The following BCL2L15 variants were observed in gnomAD, a reference collection of about 807,000 sequenced individuals.
BCL2L15 encodes bcl-2-like protein 15.
A neutral mutation model predicts 18.3 loss-of-function variants in BCL2L15; 15 were observed. That is an observed-to-expected ratio of 0.82 (90% CI 0.55 to 1.26). The LOEUF (loss-of-function observed/expected upper bound fraction) is 1.26, where lower values mean the gene tolerates loss of function less well. Among genes scored for constraint, BCL2L15 ranks in the 50% most tolerant of loss-of-function variants. The pLI, the probability that BCL2L15 is intolerant of heterozygous loss-of-function variation, is 0.00. For missense variants in BCL2L15, 180 were observed against 201.7 expected, an observed-to-expected ratio of 0.89 and a Z score of 0.65; for synonymous variants, 58 against 68.5, an observed-to-expected ratio of 0.85 and a Z score of 0.76.
Position 113,877,470 on chromosome 1 carries a change from C to T in BCL2L15, c.*3653G>A, listed in dbSNP as rs749240506. Among the ~76,000 whole-genome samples the T allele has an allele frequency of 6.6e-6, 1 of 152,022 alleles. No homozygotes were observed. The highest frequency in any genetic ancestry group is 2.4e-5 in the African/African-American group (1 of 41,378). ...AATCAAGATAATGAACATGTCTAAT[C>T]ACACTCAAAAGTTCCACTGAAGGAC... On this transcript the variant is annotated 3_prime_UTR_variant, in exon 4 of 4. Transcript: ENST00000393316.
At chr1:113,887,125 T>C in intron 1 of BCL2L15, 124 bp downstream of exon 1, 3 of 843,350 alleles carry the variant, frequency 3.6e-6, no homozygotes, top group Non-Finnish European at 5.5e-6. Flanking sequence ...CTCAAACCCC[T>C]GACTTCAGGT....
chr1:113,883,291 G>A (rs1240750592), intron 2 of BCL2L15, among the ~76,000 whole-genome samples: 4 of 152,156 alleles, frequency 2.6e-5, no homozygotes, highest in African/African-American at 9.6e-5. Context: ...GACCAGTCTG[G>A]CCAACATAGT....
At position 113,877,122 on chromosome 1, in the gene BCL2L15, A is replaced by G. The variant is rs1666747866; in HGVS notation, c.*4001T>C. On this transcript the variant is annotated 3_prime_UTR_variant, in exon 4 of 4. Transcript: ENST00000393316. ...TTGGGTCTTGAAGATGTCTACAGGT[A>G]GAGCCTCAGAAAAAGGAATATGAAA... is the stretch of plus-strand genomic sequence containing the variant. Among the ~76,000 whole-genome samples the G allele has an allele frequency of 6.6e-6, 1 of 152,148 alleles. No homozygotes were observed. The highest frequency in any genetic ancestry group is 6.5e-5 in the Admixed American group (1 of 15,280).
rs1666857545 is a variant in BCL2L15, at chr1:113,880,780, C to CT, written c.*342dup. On this transcript the variant is annotated 3_prime_UTR_variant, in exon 4 of 4. Transcript: ENST00000393316. ...CTCTCAAAATACCTCCAGCAAAGGC[C>CT]TGCCCTGTTGCTTATAATTCCACTA... The CT allele has an allele frequency of 3.6e-6, 1 of 277,294 alleles. No individual in the cohort carries two copies. The highest frequency in any genetic ancestry group is 6.8e-6 in the Non-Finnish European group (1 of 147,210). 17.2% of individuals were successfully genotyped at this position (277,294 alleles called of 1,614,324 possible). A position where few individuals can be genotyped will look rare whatever the true frequency, so the allele number is the denominator to read the frequency against.
Position 113,877,376 on chromosome 1 carries a change from ATAAAC to A in BCL2L15, c.*3742_*3746del, listed in dbSNP as rs1297774628. Among the ~76,000 whole-genome samples, 2 of 151,794 alleles carry A rather than the reference ATAAAC, an allele frequency of 1.3e-5. No individual in the cohort carries two copies. Among genetic ancestry groups the A allele is most frequent in the Non-Finnish European group, 2.9e-5 (2 of 67,986 alleles). On this transcript the variant is annotated 3_prime_UTR_variant, in exon 4 of 4. Transcript: ENST00000393316. ...CTTATTAAGGTAGTGCTGATGTACA[ATAAAC>A]TACACATTTCAAAGTATGCAGTTTG...
At position 113,878,538 on chromosome 1, in the gene BCL2L15, T is replaced by C. The variant is rs1344279805; in HGVS notation, c.*2585A>G. On this transcript the variant is annotated 3_prime_UTR_variant, in exon 4 of 4. Coordinates refer to ENST00000393316, the MANE Select transcript of BCL2L15 (RefSeq NM_001010922.3). ...ACTTGGAACTGTTTTATGAGCAACA[T>C]AGGATAAAACTGGGAGCTGGAATTA... 1 of 152,350 alleles carries C rather than the reference T, an allele frequency of 6.6e-6. No homozygotes were observed. Among genetic ancestry groups the C allele is most frequent in the Non-Finnish European group, 1.5e-5 (1 of 68,026 alleles). 9.4% of individuals were successfully genotyped at this position (152,350 alleles called of 1,614,324 possible).
chr1:113,885,974 G>C (rs941857985), intron 2 of BCL2L15, among the ~76,000 whole-genome samples: 2 of 151,654 alleles, frequency 1.3e-5, no homozygotes, highest in Non-Finnish European at 2.9e-5. Context: ...TTGGGAGGCC[G>C]AGGTGAGTGG....
intron 2 of BCL2L15, among the ~76,000 whole-genome samples, chr1:113,886,333 TTCA>T: frequency 6.6e-6 from 1 of 152,142 alleles, no homozygotes; most frequent in South Asian, 2.1e-4. Context: ...AAACTGAAGG[TTCA>T]TCAGCCTATG....
rs1439962562 is a variant in BCL2L15, at chr1:113,887,234, G to C, written c.127+15C>G. 2.5e-6 allele frequency: 4 copies of C among 1,612,466 alleles called. No homozygotes were observed. The highest frequency in any genetic ancestry group is 3.4e-6 in the Non-Finnish European group (4 of 1,178,648). The stretch of plus-strand genomic sequence containing the variant: ...CTTATTGACCTGCAATCACCGCCTA[G>C]GGCAGGAACCTTACCTGAATCTACT... On this transcript the variant is annotated intron_variant, in intron 1 of 3. Transcript: ENST00000393316.
intron 3 of BCL2L15, chr1:113,881,383 A>G: frequency 9.2e-7 from 1 of 1,083,722 alleles, no homozygotes; most frequent in Non-Finnish European, 1.3e-6. Flanking sequence ...GATACTATTA[A>G]GGTGATTCTG....
intron 2 of BCL2L15, among the ~76,000 whole-genome samples, chr1:113,885,304 C>T (rs1298082099): frequency 6.6e-6 from 1 of 152,054 alleles, no homozygotes; most frequent in African/African-American, 2.4e-5. Flanking sequence ...CAGCTATCAA[C>T]TACCTAGGAC....
Position 113,886,577 on chromosome 1 carries a change from G to C in BCL2L15, c.209C>G (p.Ala70Gly), listed in dbSNP as rs374054881. Reference sequence around the variant, plus strand: ...TTCTGCAATGACGTTTTTGGCAGAAGCTTCCAATTCTCCGTTGAACTGGTC... The same window carrying C: ...TTCTGCAATGACGTTTTTGGCAGAACCTTCCAATTCTCCGTTGAACTGGTC... ...LGDQFNGELE[A>G]SAKNVIAETI... The change falls in exon 2 of 4, where the codon GCT becomes GGT. Residue 70 changes from alanine (A) to glycine (G), a missense_variant. Coordinates refer to ENST00000393316, the MANE Select transcript of BCL2L15 (RefSeq NM_001010922.3). 2 of 1,613,738 alleles carry C rather than the reference G, an allele frequency of 1.2e-6. No individual in the cohort carries two copies. The highest frequency in any genetic ancestry group is 2.7e-5 in the African/African-American group (2 of 74,904).
intron 2 of BCL2L15, among the ~76,000 whole-genome samples, chr1:113,886,234 AAG>A (rs1667032021): frequency 6.6e-6 from 1 of 150,590 alleles, no homozygotes; most frequent in African/African-American, 2.5e-5. Flanking sequence ...AAAAAAAAAA[AAG>A]ATACTATACT....
At chr1:113,881,330 T>A (rs1428573480) in intron 3 of BCL2L15, 190 bp from the exon 4 acceptor site, 2 of 1,041,124 alleles carry the variant, frequency 1.9e-6, no homozygotes, top group Non-Finnish European at 2.7e-6. Context: ...GGGCTTAGAA[T>A]ACCTTATATA....
Position 113,887,410 on chromosome 1 carries a change from GAAACAAGCAGTTTTC to G in BCL2L15, c.-50_-36del. The G allele has an allele frequency of 6.2e-7, 1 of 1,613,150 alleles. No individual in the cohort carries two copies. The highest frequency in any genetic ancestry group is 8.5e-7 in the Non-Finnish European group (1 of 1,179,432). ...TTGCTGTCAAGTTTTGCTTTTCCAC[GAAACAAGCAGTTTTC>G]AGCCCAGCAGGAAGTTAAAAACACT... On this transcript the variant is annotated 5_prime_UTR_variant, in exon 1 of 4. Coordinates refer to ENST00000393316, the MANE Select transcript of BCL2L15 (RefSeq NM_001010922.3).
Position 113,877,915 on chromosome 1 carries a change from G to A in BCL2L15, c.*3208C>T, listed in dbSNP as rs553652917. On this transcript the variant is annotated 3_prime_UTR_variant, in exon 4 of 4. Coordinates refer to ENST00000393316, the MANE Select transcript of BCL2L15 (RefSeq NM_001010922.3). ...GAGCTAGTTGTATCGCAAACAGGGA[G>A]AGTATGGGGATAAGAAAGGTACACA... Among the ~76,000 whole-genome samples the A allele has an allele frequency of 2.6e-5, 4 of 152,190 alleles. No homozygotes were observed. The highest frequency in any genetic ancestry group is 9.7e-5 in the African/African-American group (4 of 41,440).
intron 1 of BCL2L15, 27 bp downstream of exon 1, chr1:113,887,222 A>G: frequency 3.7e-6 from 6 of 1,608,050 alleles, no homozygotes; most frequent in Non-Finnish European, 5.1e-6. Context: ...ATTGACCTGC[A>G]ATCACCGCCT....
rs1333558658 is a variant in BCL2L15 at position 113,880,200 on chromosome 1, A to G, written c.*923T>C. 1 of 150,838 alleles carries G rather than the reference A, an allele frequency of 6.6e-6. No individual in the cohort carries two copies. The highest frequency in any genetic ancestry group is 1.5e-5 in the Non-Finnish European group (1 of 67,338). The allele number at this position is 150,838 out of a possible 1,614,324, so 9.3% of individuals were successfully genotyped here. The stretch of plus-strand genomic sequence containing the variant: ...AACTTTTATTTTCTTTGACCTTCCT[A>G]GTAGAAACAACTGTTTTTGTTTGTT... On this transcript the variant is annotated 3_prime_UTR_variant, in exon 4 of 4. Transcript: ENST00000393316.
At chr1:113,881,578 T>G (rs1666879821) in intron 3 of BCL2L15, 195 bp downstream of exon 3, 2 of 1,418,550 alleles carry the variant, frequency 1.4e-6, no homozygotes, top group African/African-American at 1.4e-5. Context: ...ATGACTCGAG[T>G]CCAACATCCA....
Sources: allele counts gnomAD v4.1 joint callset (sites outside exome capture counted in the v4.1 genomes callset), GRCh38; gene constraint gnomAD v4.1.1; transcripts MANE v1.5; gene names NCBI Gene and HGNC (gene_info 2026-07-23, HGNC 2026-07-21).